Variants in ADAM12 observed in about 807,000 individuals in gnomAD.
ADAM12 encodes the protein disintegrin and metalloproteinase domain-containing protein 12.
In ADAM12, 70 loss-of-function variants were observed where a neutral mutation model predicts 106.4. That is an observed-to-expected ratio of 0.66 (90% CI 0.54 to 0.80). ADAM12 has a LOEUF of 0.80. Ranked by LOEUF, ADAM12 falls within the 30% of genes least tolerant of loss-of-function variation. The pLI, the probability that ADAM12 is intolerant of heterozygous loss-of-function variation, is 0.00. For synonymous variants in ADAM12, 420 were observed against 433.5 expected (o/e 0.97, Z 0.39); for missense variants, 1,010 against 1,171.9 (o/e 0.86, Z 2.02).
At chr10:126,373,594 G>T (rs954808725) in intron 1 of ADAM12, among the ~76,000 whole-genome samples, 2 of 152,190 alleles carry the variant, frequency 1.3e-5, no homozygotes, top group Admixed American at 6.5e-5. Flanking sequence ...TGTATCCCCA[G>T]TTCCTGGCAC....
intron 3 of ADAM12, among the ~76,000 whole-genome samples, chr10:126,246,520 G>T (rs1030073365): frequency 1.3e-5 from 2 of 152,134 alleles, no homozygotes; most frequent in African/African-American, 4.8e-5. Context: ...GCAGCACATT[G>T]AAAAGCTTAT....
chr10:126,354,981 G>A (rs1020233044), intron 1 of ADAM12, among the ~76,000 whole-genome samples: 3 of 152,062 alleles, frequency 2.0e-5, no homozygotes, highest in African/African-American at 7.2e-5. Context: ...ACCCACAAGA[G>A]TTCTTATGTC....
At chr10:126,054,266 A>T (rs1954578233) in intron 14 of ADAM12, among the ~76,000 whole-genome samples, 1 of 152,188 alleles carries the variant, frequency 6.6e-6, no homozygotes, top group African/African-American at 2.4e-5. Context: ...TACCAGAATA[A>T]CCAAAATGGG....
chr10:126,088,677 A>T (rs966347578), intron 11 of ADAM12, among the ~76,000 whole-genome samples: 75 of 151,180 alleles, frequency 5.0e-4, no homozygotes, highest in African/African-American at 1.8e-3. Context: ...GTCACTGCAC[A>T]CTCCAGCCTG....
At chr10:126,359,421 G>A (rs7902746) in intron 1 of ADAM12, among the ~76,000 whole-genome samples, 23,257 of 152,182 alleles carry the variant, frequency 0.15, 2,123 homozygotes, top group Middle Eastern at 0.28. Flanking sequence ...AAGCAAGTTA[G>A]TTACTTCCTA....
At chr10:126,195,033 T>C (rs1957571020) in intron 3 of ADAM12, among the ~76,000 whole-genome samples, 1 of 152,142 alleles carries the variant, frequency 6.6e-6, no homozygotes, top group Admixed American at 6.5e-5. Flanking sequence ...CTGCCTTAAA[T>C]ATTGTTCTCC....
At chr10:126,123,600 G>T (rs1016579189) in intron 5 of ADAM12, among the ~76,000 whole-genome samples, 1 of 152,224 alleles carries the variant, frequency 6.6e-6, no homozygotes, top group African/African-American at 2.4e-5. Context: ...TCTGGGCTGC[G>T]CTCCGTACAC....
At chr10:126,149,710 G>A (rs748776474) in intron 4 of ADAM12, among the ~76,000 whole-genome samples, 3 of 152,254 alleles carry the variant, frequency 2.0e-5, no homozygotes, top group East Asian at 1.9e-4. Flanking sequence ...CTTGAACATC[G>A]GACTTCAAGT....
chr10:126,244,809 G>T (rs1301655787), intron 3 of ADAM12, among the ~76,000 whole-genome samples: 1 of 152,206 alleles, frequency 6.6e-6, no homozygotes, highest in Non-Finnish European at 1.5e-5. Context: ...CTTGAGTGGG[G>T]ACAGGAATGG....
intron 3 of ADAM12, among the ~76,000 whole-genome samples, chr10:126,228,736 C>T (rs1299887957): frequency 6.6e-6 from 1 of 152,204 alleles, no homozygotes; most frequent in African/African-American, 2.4e-5. Context: ...ATTCATCCTT[C>T]TGCCCCCAAA....
chr10:126,015,091 C>G lies in ADAM12; in HGVS notation c.*2188G>C, dbSNP rs563157812. 6.6e-6 allele frequency: 1 copy of G among 152,136 alleles called. No individual in the cohort carries two copies. Among genetic ancestry groups the G allele is most frequent in the Non-Finnish European group, 1.5e-5 (1 of 68,028 alleles). The allele number at this position is 152,136 out of a possible 1,614,324, so 9.4% of individuals were successfully genotyped here. A position where few individuals can be genotyped will look rare whatever the true frequency, so the allele number is the denominator to read the frequency against. On this transcript the variant is annotated 3_prime_UTR_variant, in exon 23 of 23. Coordinates refer to ENST00000448723, the MANE Select transcript of ADAM12 (RefSeq NM_001288973.2). ...TTATTCAGAAATAAAATGCATGGCTCTATAATAACACATTAGTACTGTAGA... is the reference window on the plus strand; with the variant it reads ...TTATTCAGAAATAAAATGCATGGCTGTATAATAACACATTAGTACTGTAGA...
At chr10:126,234,913 C>T (rs768833883) in intron 3 of ADAM12, among the ~76,000 whole-genome samples, 7 of 152,206 alleles carry the variant, frequency 4.6e-5, no homozygotes, top group Non-Finnish European at 8.8e-5. Context: ...ACCTACAAAT[C>T]GTAAGGTGGC....
rs371661611 is a variant in ADAM12 at position 126,330,590 on chromosome 10, C to T, written c.89-81G>A. The T allele has an allele frequency of 1.3e-4, 166 of 1,234,520 alleles. 2 individuals are homozygous for T. In the South Asian group the frequency reaches 2.3e-3, roughly 17 times the overall value. 76.5% of individuals were successfully genotyped at this position (1,234,520 alleles called of 1,614,324 possible). ...TCAGAAGCTTATTACATAAATGACA[C>T]AGTGAAAATATTTGGAAGTTAAATA... On this transcript the variant is annotated intron_variant, in intron 1 of 22. Coordinates refer to ENST00000448723, the MANE Select transcript of ADAM12 (RefSeq NM_001288973.2).
chr10:126,191,944 C>T (rs112406830), intron 3 of ADAM12, among the ~76,000 whole-genome samples: 89 of 152,240 alleles, frequency 5.8e-4, no homozygotes, highest in African/African-American at 2.0e-3. Flanking sequence ...GAAGCAGGCA[C>T]GTCTTACATG....
intron 14 of ADAM12, among the ~76,000 whole-genome samples, chr10:126,061,494 T>C (rs985707379): frequency 3.9e-5 from 6 of 152,280 alleles, no homozygotes; most frequent in African/African-American, 1.2e-4. Context: ...TTATCTGACA[T>C]GGCAAAAGGG....
chr10:126,242,479 C>A (rs971462036), intron 3 of ADAM12, among the ~76,000 whole-genome samples: 6 of 152,166 alleles, frequency 3.9e-5, no homozygotes, highest in African/African-American at 1.4e-4. Flanking sequence ...AACATGTAAG[C>A]AATTCTGGCC....
intron 3 of ADAM12, among the ~76,000 whole-genome samples, chr10:126,176,603 AT>A (rs1957224016): frequency 6.6e-6 from 1 of 152,224 alleles, no homozygotes. Context: ...ATCCCATATT[AT>A]TTGTATTTCA....
chr10:126,354,034 CT>C (rs34474316), intron 1 of ADAM12, among the ~76,000 whole-genome samples: 10,713 of 144,612 alleles, frequency 0.074, 648 homozygotes, highest in East Asian at 0.25. Context: ...TGTTAACAAG[CT>C]TTTTTTTTTT....
At chr10:126,182,795 C>G (rs1372262794) in intron 3 of ADAM12, among the ~76,000 whole-genome samples, 1 of 152,202 alleles carries the variant, frequency 6.6e-6, no homozygotes, top group Non-Finnish European at 1.5e-5. Flanking sequence ...CAGTCTAATT[C>G]TCGGGACTAT....
Sources: gnomAD v4.1 joint callset for allele counts (sites outside exome capture counted in the v4.1 genomes callset) on GRCh38, gnomAD v4.1.1 for gene constraint, MANE v1.5 for transcripts, NCBI Gene and HGNC (gene_info 2026-07-23, HGNC 2026-07-21) for gene names.